PPHLN1: variants seen among roughly 807,000 people sequenced by gnomAD.
The protein encoded by PPHLN1 is periphilin-1.
PPHLN1 carries 29 observed loss-of-function variants against 51.3 expected under a neutral mutation model. The observed-to-expected ratio is 0.57, with a 90% confidence interval of 0.42 to 0.77. The LOEUF is 0.77. PPHLN1 is among the 30% of genes least tolerant of loss of function. PPHLN1 has a pLI of 0.00. For missense variants in PPHLN1, 436 were observed against 438.4 expected (o/e 0.99, Z 0.05); for synonymous variants, 147 against 147.8 (o/e 0.99, Z 0.04).
chr12:42,399,375 A>G lies in PPHLN1; in HGVS notation c.909+381A>G, dbSNP rs908646191. ...TTCTTATGTTTTTTCATTATACTTTAAGGTAGTTTCCAAATATTAAAGGAA... is the reference window on the plus strand; with the variant it reads ...TTCTTATGTTTTTTCATTATACTTTGAGGTAGTTTCCAAATATTAAAGGAA... On this transcript the variant is annotated intron_variant, in intron 9 of 9. Coordinates refer to ENST00000358314, the MANE Select transcript of PPHLN1 (RefSeq NM_201439.2). The G allele has an allele frequency of 5.4e-5, 47 of 867,924 alleles. 1 individual carries two copies. The African/African-American group carries it at 7.7e-4, about 14-fold the overall frequency. The allele number at this position is 867,924 out of a possible 1,614,324, so 53.8% of individuals were successfully genotyped here.
At chr12:42,347,766 T>A (rs971197660) in intron 2 of PPHLN1, among the ~76,000 whole-genome samples, 1 of 152,146 alleles carries the variant, frequency 6.6e-6, no homozygotes, top group Non-Finnish European at 1.5e-5. Context: ...TGCCGCAGAG[T>A]GAGACTCCAT....
At chr12:42,331,229 G>A (rs961889862) in intron 1 of PPHLN1, among the ~76,000 whole-genome samples, 3 of 152,210 alleles carry the variant, frequency 2.0e-5, no homozygotes, top group African/African-American at 7.2e-5. Context: ...TATAAAAAGC[G>A]AAGGAATGAG....
intron 2 of PPHLN1, among the ~76,000 whole-genome samples, chr12:42,340,143 CA>C: frequency 6.6e-6 from 1 of 151,550 alleles, no homozygotes; most frequent in African/African-American, 2.4e-5. Flanking sequence ...CCTGTCTCTA[CA>C]AAAAATTTTA....
chr12:42,423,131 GTTTATA>G (rs1313223941), intron 9 of PPHLN1, among the ~76,000 whole-genome samples: 1 of 152,070 alleles, frequency 6.6e-6, no homozygotes, highest in Non-Finnish European at 1.5e-5. Context: ...GTCAGTAGCA[GTTTATA>G]TTTGTATTGC....
chr12:42,340,034 C>A (rs188863516), intron 2 of PPHLN1, among the ~76,000 whole-genome samples: 1 of 152,306 alleles, frequency 6.6e-6, no homozygotes, highest in Admixed American at 6.5e-5. Context: ...AGGCTGAATA[C>A]AGTGGCTCTT....
intron 2 of PPHLN1, among the ~76,000 whole-genome samples, chr12:42,349,820 C>T (rs1379854353): frequency 6.6e-6 from 1 of 152,218 alleles, no homozygotes; most frequent in East Asian, 1.9e-4. Context: ...TACACAGACA[C>T]AGTCACAATC....
chr12:42,410,132 A>T (rs1487468383), intron 9 of PPHLN1, among the ~76,000 whole-genome samples: 1 of 151,546 alleles, frequency 6.6e-6, no homozygotes, highest in Non-Finnish European at 1.5e-5. Context: ...AACACTTAGG[A>T]TTCTGTCAGT....
At chr12:42,387,575 A>G in intron 7 of PPHLN1, 40 bp downstream of exon 7, 1 of 1,603,380 alleles carries the variant, frequency 6.2e-7, no homozygotes, top group East Asian at 2.2e-5. Flanking sequence ...GAAGAATTAC[A>G]AATTGAGATG....
At chr12:42,353,959 A>G (rs2073725992) in intron 3 of PPHLN1, among the ~76,000 whole-genome samples, 2 of 152,166 alleles carry the variant, frequency 1.3e-5, no homozygotes, top group African/African-American at 4.8e-5. Context: ...CAACAAGCAT[A>G]CTTGTGATCC....
At chr12:42,374,334 A>G (rs1346558798) in intron 4 of PPHLN1, among the ~76,000 whole-genome samples, 1 of 149,728 alleles carries the variant, frequency 6.7e-6, no homozygotes, top group African/African-American at 2.4e-5. Context: ...TTCTGTTCCA[A>G]ACTGAAAAAG....
chr12:42,411,655 A>G (rs1758415264), intron 9 of PPHLN1, among the ~76,000 whole-genome samples: 1 of 152,142 alleles, frequency 6.6e-6, no homozygotes, highest in South Asian at 2.1e-4. Flanking sequence ...CTGTAATCCC[A>G]GCACTTTGGG....
intron 1 of PPHLN1, 104 bp from the exon 2 acceptor site, chr12:42,335,779 A>G: frequency 2.0e-6 from 1 of 501,692 alleles, no homozygotes; most frequent in Non-Finnish European, 3.2e-6. Flanking sequence ...TTTTCTCTTA[A>G]GATCTCTGGA....
intron 5 of PPHLN1, among the ~76,000 whole-genome samples, chr12:42,379,914 A>G (rs554683224): frequency 6.6e-6 from 1 of 152,060 alleles, no homozygotes; most frequent in Non-Finnish European, 1.5e-5. Flanking sequence ...GGCCAACTGT[A>G]GAAACCTCTA....
chr12:42,349,994 G>T (rs1209755213), intron 2 of PPHLN1, among the ~76,000 whole-genome samples: 1 of 150,068 alleles, frequency 6.7e-6, no homozygotes, highest in Non-Finnish European at 1.5e-5. Flanking sequence ...GGGCAGAGGG[G>T]GCCCTCCCAC....
intron 9 of PPHLN1, chr12:42,432,301 A>C: frequency 1.3e-6 from 1 of 752,516 alleles, no homozygotes; most frequent in Middle Eastern, 2.5e-4. Context: ...ACCTAGAACC[A>C]ATCTGTTATG....
rs150932970 is a variant in PPHLN1 at position 42,351,948 on chromosome 12, G to T, written c.136G>T (p.Glu46Ter). 1 of 1,588,804 alleles carries T rather than the reference G, an allele frequency of 6.3e-7. No individual in the cohort carries two copies. The highest frequency in any genetic ancestry group is 1.2e-5 in the South Asian group (1 of 85,722). ...ACCACCACTGCTAGACAGACCTGGT[G>T]AAGGAAGCTACAATAGATATTACAG... The part of the protein sequence containing the change: ...KKPPLLDRPG[E>*]GSYNRYYSHV... The change falls in exon 3 of 10, where the codon GAA becomes TAA. Residue 46 changes from glutamate (E) to a stop codon, truncating the protein, a stop_gained. Transcript: ENST00000358314. LOFTEE classifies it high-confidence loss of function.
intron 9 of PPHLN1, among the ~76,000 whole-genome samples, chr12:42,416,022 CATAGGT>C (rs761788813): frequency 4.6e-5 from 7 of 152,114 alleles, no homozygotes; most frequent in Non-Finnish European, 1.0e-4. Context: ...GTAGGATTCT[CATAGGT>C]AGAGATAGGA....
At chr12:42,432,133 G>A (rs1253718940) in intron 9 of PPHLN1, 19 of 1,127,312 alleles carry the variant, frequency 1.7e-5, no homozygotes, top group Non-Finnish European at 2.6e-5. Context: ...CTGCTGTCAC[G>A]CTGATGTCGG....
At chr12:42,369,480 G>A (rs1280423722) in intron 4 of PPHLN1, among the ~76,000 whole-genome samples, 1 of 152,180 alleles carries the variant, frequency 6.6e-6, no homozygotes, top group Admixed American at 6.5e-5. Context: ...TTTAATGGAA[G>A]TAATACCAGG....
Sources: gnomAD v4.1 joint callset for allele counts (sites outside exome capture counted in the v4.1 genomes callset) on GRCh38, gnomAD v4.1.1 for gene constraint, MANE v1.5 for transcripts, NCBI Gene and HGNC (gene_info 2026-07-23, HGNC 2026-07-21) for gene names.